The following ATAD2 variants were observed in gnomAD, a reference collection of about 807,000 sequenced individuals.
The protein encoded by ATAD2 is ATPase family AAA domain-containing protein 2.
In ATAD2, 62 loss-of-function variants were observed where a neutral mutation model predicts 168.9. The ratio of observed to expected loss-of-function variants is 0.37; its 90% CI spans 0.30 to 0.45. The LOEUF is 0.45. Among genes scored for constraint, ATAD2 ranks in the 20% least tolerant of loss-of-function variants. The pLI, the probability that ATAD2 is intolerant of heterozygous loss-of-function variation, is 1.00. For missense variants in ATAD2, 1,419 were observed against 1,667.8 expected (o/e 0.85, Z 2.60); for synonymous variants, 613 against 571.6 (o/e 1.07, Z -1.03).
At position 123,320,964 on chromosome 8, in the gene ATAD2, C is replaced by A; in HGVS notation, c.*170G>T. 3.3e-6 allele frequency: 2 copies of A among 602,310 alleles called. No homozygotes were observed. Among genetic ancestry groups the A allele is most frequent in the South Asian group, 2.2e-5 (1 of 45,996 alleles). The allele number at this position is 602,310 out of a possible 1,614,324, so 37.3% of individuals were successfully genotyped here. On this transcript the variant is annotated 3_prime_UTR_variant, in exon 28 of 28. Transcript: ENST00000287394. The stretch of plus-strand genomic sequence containing the variant: ...TATTTATCAGTTATCTTACACATGA[C>A]ATTTATCTTAATATGTACATAAATA...
intron 6 of ATAD2, among the ~76,000 whole-genome samples, 179 bp from the exon 7 acceptor site, chr8:123,370,203 G>C (rs1188358092): frequency 6.7e-6 from 1 of 150,124 alleles, no homozygotes; most frequent in African/African-American, 2.4e-5. Context: ...GGAAGTATTT[G>C]TAATTCTTTT....
intron 9 of ATAD2, among the ~76,000 whole-genome samples, chr8:123,360,011 C>T (rs962357944): frequency 1.3e-5 from 2 of 152,102 alleles, no homozygotes; most frequent in African/African-American, 4.8e-5. Flanking sequence ...CTAACACAGA[C>T]AGGGTATTTA....
At position 123,359,240 on chromosome 8, in the gene ATAD2, A is replaced by G; in HGVS notation, c.1363T>C (p.Phe455Leu). ...AATTACCTTGGGGGTTGAATTTTAA[A>G]TTTTTCAAAGACTTCTGGATAAAGT... ...PLLYPEVFEK[F>L]KIQPPRGCLF... The change falls in exon 11 of 28, where the codon TTT becomes CTT. Residue 455 changes from phenylalanine (F) to leucine (L), a missense_variant. By Grantham distance (22) the Phe-to-Leu change is conservative. Coordinates refer to ENST00000287394, the MANE Select transcript of ATAD2 (RefSeq NM_014109.4). 3 of 1,590,042 alleles carry G rather than the reference A, an allele frequency of 1.9e-6. No homozygotes were observed. Among genetic ancestry groups the G allele is most frequent in the Non-Finnish European group, 2.6e-6 (3 of 1,170,480 alleles).
chr8:123,328,942 C>T (rs1827692326), intron 24 of ATAD2, among the ~76,000 whole-genome samples: 1 of 151,834 alleles, frequency 6.6e-6, no homozygotes, highest in Non-Finnish European at 1.5e-5. Flanking sequence ...GCTGGGACTA[C>T]AGGCACCCGC....
At chr8:123,415,883 G>A (rs1274764391) in intron 1 of ATAD2, among the ~76,000 whole-genome samples, 1 of 152,126 alleles carries the variant, frequency 6.6e-6, no homozygotes, top group African/African-American at 2.4e-5. Context: ...GTGAGCCACC[G>A]CACCCGGCCC....
Position 123,370,912 on chromosome 8 carries a change from C to A in ATAD2, c.718G>T (p.Gly240Cys). 3.7e-6 allele frequency: 6 copies of A among 1,604,966 alleles called. No homozygotes were observed. Among genetic ancestry groups the A allele is most frequent in the Non-Finnish European group, 5.1e-6 (6 of 1,175,068 alleles). Residue 240 changes from glycine (G) to cysteine (C), a missense_variant, in exon 6 of 28, where the codon GGC becomes TGC. This residue lies in a region of ATAD2 where 419 missense variants were observed against 423.5 expected (regional missense o/e 0.99). Coordinates refer to ENST00000287394, the MANE Select transcript of ATAD2 (RefSeq NM_014109.4). ...AAGAGAAGAGACTAACCCACACTGC[C>A]TTCTTGATTATCAGTTGTTTCTTCA... The part of the protein sequence containing the change: ...TDEETTDNQE[G>C]SVESSEEGED...
At chr8:123,354,195 G>C (rs1271850209) in intron 13 of ATAD2, among the ~76,000 whole-genome samples, 1 of 151,972 alleles carries the variant, frequency 6.6e-6, no homozygotes, top group Non-Finnish European at 1.5e-5. Flanking sequence ...CTTTCTCTTA[G>C]GTTGAAAATA....
intron 1 of ATAD2, among the ~76,000 whole-genome samples, chr8:123,384,911 C>T (rs1014317585): frequency 2.0e-5 from 3 of 152,158 alleles, no homozygotes; most frequent in African/African-American, 7.2e-5. Context: ...TATTTCTTGG[C>T]GCTCAGAAGC....
chr8:123,413,356 C>T (rs1264317252), intron 1 of ATAD2, among the ~76,000 whole-genome samples: 1 of 151,930 alleles, frequency 6.6e-6, no homozygotes, highest in Non-Finnish European at 1.5e-5. Flanking sequence ...CTGTTTTCAT[C>T]GCTTTGACTG....
chr8:123,411,119 CTT>C (rs1813148841), intron 1 of ATAD2, among the ~76,000 whole-genome samples: 1 of 152,150 alleles, frequency 6.6e-6, no homozygotes, highest in Non-Finnish European at 1.5e-5. Context: ...ATCTTGGAAA[CTT>C]TGTGAACAAG....
At chr8:123,397,232 C>T (rs1341971189), upstream of ATAD2, among the ~76,000 whole-genome samples, 44 of 109,078 alleles carry the variant, frequency 4.0e-4, no homozygotes, top group Non-Finnish European at 6.1e-4. Flanking sequence ...CAGAGCAAGA[C>T]TCTGTCTCAA....
At chr8:123,322,291 A>G (rs1827490148) in intron 27 of ATAD2, among the ~76,000 whole-genome samples, 1 of 152,242 alleles carries the variant, frequency 6.6e-6, no homozygotes, top group Non-Finnish European at 1.5e-5. Flanking sequence ...CCTGGCTGAC[A>G]AGTCTTAAAA....
chr8:123,399,810 C>T (rs968270407), upstream of ATAD2, among the ~76,000 whole-genome samples: 12 of 149,098 alleles, frequency 8.0e-5, no homozygotes, highest in South Asian at 4.3e-4. Context: ...GCCGAGATTA[C>T]GCCATTGCAC....
At position 123,339,400 on chromosome 8, in the gene ATAD2, T is replaced by A; in HGVS notation, c.2765A>T (p.Gln922Leu). The A allele has an allele frequency of 6.3e-7, 1 of 1,599,860 alleles. No individual in the cohort carries two copies. Among genetic ancestry groups the A allele is most frequent in the Non-Finnish European group, 8.5e-7 (1 of 1,173,450 alleles). ...TGTCCGTTCTTCTTTATCCGGTAAC[T>A]GGACATTAAAAATCTCTCCATAATC... ...IRDYGEIFNV[Q>L]LPDKEERTKF... Residue 922 changes from glutamine (Q) to leucine (L), a missense_variant, in exon 20 of 28, where the codon CAG becomes CTG. Coordinates refer to ENST00000287394, the MANE Select transcript of ATAD2 (RefSeq NM_014109.4).
intron 1 of ATAD2, among the ~76,000 whole-genome samples, chr8:123,386,901 C>T (rs1157797998): frequency 7.1e-6 from 1 of 140,698 alleles, no homozygotes; most frequent in African/African-American, 2.6e-5. Context: ...AAGAAAGACT[C>T]AACAATGTGG....
intron 1 of ATAD2, among the ~76,000 whole-genome samples, chr8:123,409,567 A>C (rs1219367156): frequency 6.6e-6 from 1 of 151,850 alleles, no homozygotes; most frequent in Non-Finnish European, 1.5e-5. Context: ...ATCATACCTC[A>C]CTACAGCTTT....
At chr8:123,374,846 C>T (rs1457104189) in intron 2 of ATAD2, among the ~76,000 whole-genome samples, 1 of 152,154 alleles carries the variant, frequency 6.6e-6, no homozygotes, top group East Asian at 1.9e-4. Flanking sequence ...GTACACTCTG[C>T]GAAGACTATA....
intron 14 of ATAD2, among the ~76,000 whole-genome samples, chr8:123,348,951 A>T (rs1478145023): frequency 1.3e-5 from 2 of 152,170 alleles, no homozygotes; most frequent in African/African-American, 4.8e-5. Context: ...TAGACTTAAA[A>T]AAACTCGGTA....
chr8:123,378,701 C>CAAAAA lies in ATAD2; in HGVS notation c.320+1823_320+1827dup, dbSNP rs71808201. Among the ~76,000 whole-genome samples, 36 of 72,950 alleles carry CAAAAA rather than the reference C, an allele frequency of 4.9e-4. 1 individual carries two copies. Among genetic ancestry groups the CAAAAA allele is most frequent in the East Asian group, 1.4e-3 (3 of 2,130 alleles). 47.9% of individuals were successfully genotyped at this position (72,950 alleles called of 152,430 possible). On this transcript the variant is annotated intron_variant, in intron 2 of 27. Coordinates refer to ENST00000287394, the MANE Select transcript of ATAD2 (RefSeq NM_014109.4). ...TGGGCAACAGAGCAAGACTGTGTCT[C>CAAAAA]AAAAAAAAAAAAAAAAAAAAAAAAT...
Sources: allele counts gnomAD v4.1 joint callset (sites outside exome capture counted in the v4.1 genomes callset), GRCh38; gene constraint gnomAD v4.1.1; regional missense constraint gnomAD v4.1.1; transcripts MANE v1.5; gene names NCBI Gene and HGNC (gene_info 2026-07-23, HGNC 2026-07-21).